Variants in HS3ST5 observed in about 807,000 individuals in gnomAD.
HS3ST5 encodes heparan sulfate-glucosamine 3-sulfotransferase 5.
HS3ST5 carries 10 observed loss-of-function variants against 25.4 expected under a neutral mutation model. That is an observed-to-expected ratio of 0.39 (90% CI 0.24 to 0.67). The LOEUF is 0.67. Among genes scored for constraint, HS3ST5 ranks in the 30% least tolerant of loss-of-function variants. HS3ST5 has a pLI of 0.44. For synonymous variants in HS3ST5, 170 were observed against 162.4 expected, an observed-to-expected ratio of 1.05 and a Z score of -0.36; for missense variants, 324 against 420.7, an observed-to-expected ratio of 0.77 and a Z score of 2.01.
chr6:114,318,624 A>G (rs1324080564), intron 1 of HS3ST5, among the ~76,000 whole-genome samples: 5 of 152,120 alleles, frequency 3.3e-5, no homozygotes, highest in Non-Finnish European at 7.4e-5. Context: ...GTCCTACCCC[A>G]TCTCCCTCTT....
At chr6:114,256,399 AC>A (rs1772925935) in intron 1 of HS3ST5, among the ~76,000 whole-genome samples, 1 of 134,744 alleles carries the variant, frequency 7.4e-6, no homozygotes, top group Middle Eastern at 4.4e-3. Flanking sequence ...AAAAAAAAAA[AC>A]AAAAAAAAAC....
chr6:114,057,733 C>T lies in HS3ST5; in HGVS notation c.565G>A (p.Ala189Thr). The T allele has an allele frequency of 2.5e-6, 4 of 1,614,128 alleles. No homozygotes were observed. The highest frequency in any genetic ancestry group is 3.4e-6 in the Non-Finnish European group (4 of 1,180,034). The change falls in exon 5 of 5, where the codon GCT becomes ACT. Residue 189 changes from alanine (A) to threonine (T), a missense_variant. Ala to Thr is a moderately conservative substitution (Grantham distance 58). This residue lies in a region of HS3ST5 where 203 missense variants were observed against 303.4 expected (regional missense o/e 0.67). Coordinates refer to ENST00000312719, the MANE Select transcript of HS3ST5 (RefSeq NM_153612.4). ...AGCACCTGAGTATAATCAGAAATAG[C>T]TCTTGTGGTTGGCTCCCTGACAATG... ...LIIVREPTTR[A>T]ISDYTQVLEG... is the part of the protein sequence containing the mutation.
chr6:114,190,235 T>G (rs1780431274), intron 2 of HS3ST5, among the ~76,000 whole-genome samples: 1 of 152,154 alleles, frequency 6.6e-6, no homozygotes, highest in Admixed American at 6.5e-5. Flanking sequence ...TAATCAATCT[T>G]CCTGTTACTA....
intron 2 of HS3ST5, among the ~76,000 whole-genome samples, chr6:114,225,440 G>T (rs1373975363): frequency 6.6e-6 from 1 of 151,700 alleles, no homozygotes; most frequent in Non-Finnish European, 1.5e-5. Context: ...AGACCCTCTG[G>T]GATCATCTGG....
intron 3 of HS3ST5, among the ~76,000 whole-genome samples, chr6:114,159,660 G>A (rs1471885070): frequency 6.6e-6 from 1 of 152,118 alleles, no homozygotes; most frequent in African/African-American, 2.4e-5. Context: ...TGAAAATCCA[G>A]TGAGCTATAC....
At chr6:114,287,300 T>C (rs971078167) in intron 1 of HS3ST5, among the ~76,000 whole-genome samples, 5 of 151,940 alleles carry the variant, frequency 3.3e-5, no homozygotes, top group Non-Finnish European at 7.4e-5. Flanking sequence ...ACCCTATCAT[T>C]GTCTCCATTT....
Position 114,057,817 on chromosome 6 carries a change from T to A in HS3ST5, c.481A>T (p.Ile161Phe). Reference protein sequence around the residue: ...ITIEKSPAYFITEEVPERIYK... With the variant: ...ITIEKSPAYFFTEEVPERIYK... ...ATCCTTTCTGGAACCTCCTCTGTGA[T>A]AAAATATGCTGGGCTCTTTTCAATT... The change falls in exon 5 of 5, where the codon ATC (isoleucine) becomes TTC (phenylalanine). Residue 161 changes from isoleucine (I) to phenylalanine (F), a missense_variant. This residue lies in a region of HS3ST5 where 203 missense variants were observed against 303.4 expected (regional missense o/e 0.67). Coordinates refer to ENST00000312719, the MANE Select transcript of HS3ST5 (RefSeq NM_153612.4). 6.2e-7 allele frequency: 1 copy of A among 1,614,196 alleles called. No homozygotes were observed. The highest frequency in any genetic ancestry group is 8.5e-7 in the Non-Finnish European group (1 of 1,180,028).
chr6:114,148,456 T>G (rs1305543954), intron 3 of HS3ST5, among the ~76,000 whole-genome samples: 2 of 151,888 alleles, frequency 1.3e-5, no homozygotes, highest in African/African-American at 4.8e-5. Flanking sequence ...CTGTCTCTAT[T>G]AAAAATACAA....
chr6:114,116,186 A>T (rs1235295099), intron 3 of HS3ST5: 5 of 152,126 alleles, frequency 3.3e-5, no homozygotes, highest in African/African-American at 1.2e-4. Context: ...TGCTGGTAAG[A>T]ACTGTCTAAA....
At chr6:114,164,171 TA>T (rs1779102801) in intron 3 of HS3ST5, among the ~76,000 whole-genome samples, 1 of 152,116 alleles carries the variant, frequency 6.6e-6, no homozygotes, top group African/African-American at 2.4e-5. Context: ...CTATCTTGCA[TA>T]AAAACATAAT....
intron 2 of HS3ST5, among the ~76,000 whole-genome samples, chr6:114,175,684 A>AT (rs1275571115): frequency 6.6e-6 from 1 of 152,188 alleles, no homozygotes; most frequent in Non-Finnish European, 1.5e-5. Flanking sequence ...TGGAACTCTT[A>AT]TTTTAATAAT....
intron 1 of HS3ST5, among the ~76,000 whole-genome samples, chr6:114,312,978 C>G (rs1775594278): frequency 8.5e-6 from 1 of 117,228 alleles, no homozygotes; most frequent in Non-Finnish European, 1.6e-5. Flanking sequence ...GAGCCATGAT[C>G]ATGCCACTGC....
At chr6:114,090,567 G>T (rs1365470838) in intron 3 of HS3ST5, among the ~76,000 whole-genome samples, 4 of 152,186 alleles carry the variant, frequency 2.6e-5, no homozygotes, top group Admixed American at 6.5e-5. Context: ...CTATGGGTAT[G>T]CTATGTTCCA....
At chr6:114,237,940 G>T (rs1440264940) in intron 1 of HS3ST5, among the ~76,000 whole-genome samples, 21 of 152,134 alleles carry the variant, frequency 1.4e-4, no homozygotes, top group Admixed American at 1.3e-3. Flanking sequence ...AAGCAATTTT[G>T]TATCTTCTCA....
intron 3 of HS3ST5, chr6:114,088,898 A>C (rs574360348): frequency 2.0e-5 from 3 of 152,330 alleles, no homozygotes; most frequent in Admixed American, 6.5e-5. Context: ...GCTGGAAGAT[A>C]CTGCAGAGAG....
At chr6:114,069,097 A>G (rs575852574) in intron 3 of HS3ST5, among the ~76,000 whole-genome samples, 11 of 152,312 alleles carry the variant, frequency 7.2e-5, no homozygotes, top group Admixed American at 4.6e-4. Flanking sequence ...GCTTGTAGAC[A>G]TGGTTACCAC....
chr6:114,235,234 A>T (rs991016449), intron 1 of HS3ST5, among the ~76,000 whole-genome samples: 6 of 152,218 alleles, frequency 3.9e-5, no homozygotes, highest in African/African-American at 9.6e-5. Flanking sequence ...ATACTGCATA[A>T]AATGGTAAAA....
At chr6:114,087,628 G>A (rs1774905801) in intron 3 of HS3ST5, among the ~76,000 whole-genome samples, 1 of 152,170 alleles carries the variant, frequency 6.6e-6, no homozygotes, top group South Asian at 2.1e-4. Context: ...GTGCAAAAAA[G>A]AGTTCTATGC....
At chr6:114,168,212 G>A (rs1370919794) in intron 3 of HS3ST5, 139 bp downstream of exon 3, 1 of 152,238 alleles carries the variant, frequency 6.6e-6, no homozygotes, top group African/African-American at 2.4e-5. Context: ...CAAGAGAGGA[G>A]AAAGACCTCC....
Sources: gnomAD v4.1 joint callset for allele counts (sites outside exome capture counted in the v4.1 genomes callset) on GRCh38, gnomAD v4.1.1 for gene constraint, gnomAD v4.1.1 regional missense constraint, MANE v1.5 for transcripts, NCBI Gene and HGNC (gene_info 2026-07-23, HGNC 2026-07-21) for gene names.